DMD: variants seen among roughly 807,000 people sequenced by gnomAD.
DMD encodes the protein dystrophin.
Under a neutral mutation model 330.1 loss-of-function variants are expected in DMD, and 63 were observed. The observed-to-expected ratio is 0.19, with a 90% confidence interval of 0.16 to 0.24. The LOEUF (loss-of-function observed/expected upper bound fraction) is 0.24, where lower values mean the gene tolerates loss of function less well. DMD is among the 10% of genes least tolerant of loss of function. DMD has a pLI of 1.00. For synonymous variants in DMD, 1,223 were observed against 959.8 expected, an observed-to-expected ratio of 1.27 and a Z score of -5.07; for missense variants, 3,344 against 2,684.1, an observed-to-expected ratio of 1.25 and a Z score of -5.43.
chrX:33,152,906 T>C (rs144758425), intron 1 of DMD, among the ~76,000 whole-genome samples: 1,884 of 112,038 alleles, frequency 0.017, 50 homozygotes, highest in African/African-American at 0.058. Flanking sequence ...TTAATGAAAA[T>C]TTAAAAAGCA....
In DMD at chrX:31,477,796, TACACACAC is replaced by T. The variant is rs10597133; in HGVS notation, c.8937+302_8937+309del. 9.4e-3 allele frequency among the ~76,000 whole-genome samples: 934 copies of T among 99,238 alleles called. 10 individuals are homozygous for T. The highest frequency in any genetic ancestry group is 0.027 in the African/African-American group (734 of 27,500). The allele number at this position is 99,238 out of a possible 115,157, so 86.2% of individuals were successfully genotyped here. ...CTAAGTAACACAAGCAATACACCAATACACACACACACACACACACACACACACACACA... is the reference window on the plus strand; with the variant it reads ...CTAAGTAACACAAGCAATACACCAATACACACACACACACACACACACACA... On this transcript the variant is annotated intron_variant, in intron 59 of 78. Transcript: ENST00000357033.
intron 44 of DMD, among the ~76,000 whole-genome samples, chrX:31,999,125 C>G (rs1336103182): frequency 8.9e-6 from 1 of 112,163 alleles, no homozygotes; most frequent in Admixed American, 9.5e-5. Context: ...TAGTAAGATT[C>G]TTTGATGTTC....
intron 44 of DMD, among the ~76,000 whole-genome samples, chrX:31,986,663 G>A (rs929590301): frequency 3.6e-5 from 4 of 111,826 alleles, no homozygotes; most frequent in Non-Finnish European, 7.5e-5. Flanking sequence ...ACCCACCTTG[G>A]CCTCCCGAAG....
rs766140903 is a variant in DMD at position 32,863,537 on chromosome X, T to TATAC, written c.94-13718_94-13717insGTAT. On this transcript the variant is annotated intron_variant, in intron 2 of 78. Coordinates refer to ENST00000357033, the MANE Select transcript of DMD (RefSeq NM_004006.3). The stretch of plus-strand genomic sequence containing the variant: ...AAAAAAAAAAAAAAGATTGTGTTTA[T>TATAC]ACACACACACACACACACACACACA... Among the ~76,000 whole-genome samples, 31 of 78,245 alleles carry TATAC rather than the reference T, an allele frequency of 4.0e-4. 1 individual carries two copies. Among genetic ancestry groups the TATAC allele is most frequent in the African/African-American group, 1.9e-3 (31 of 15,952 alleles). The allele number at this position is 78,245 out of a possible 115,157, so 67.9% of individuals were successfully genotyped here.
chrX:31,470,172 G>A (rs2067188476), intron 59 of DMD, among the ~76,000 whole-genome samples: 1 of 111,025 alleles, frequency 9.0e-6, no homozygotes. Context: ...GCCTACTTCC[G>A]TCAATTCGTC....
At chrX:31,466,684 C>G (rs760457691) in intron 59 of DMD, among the ~76,000 whole-genome samples, 1 of 111,515 alleles carries the variant, frequency 9.0e-6, no homozygotes, top group Non-Finnish European at 1.9e-5. Context: ...AGTAGTTTTT[C>G]TAATTATGTG....
At chrX:33,024,282 C>T (rs1246361442) in intron 1 of DMD, among the ~76,000 whole-genome samples, 2 of 112,144 alleles carry the variant, frequency 1.8e-5, no homozygotes, top group African/African-American at 6.5e-5. Context: ...TCAAGCAGCA[C>T]ATATTCTATT....
rs1178137827 is a variant in DMD at position 32,787,243 on chromosome X, TGTGTGAGAGA to T, written c.649+22240_649+22249del. Among the ~76,000 whole-genome samples the T allele has an allele frequency of 1.2e-4, 11 of 93,586 alleles. No homozygotes were observed. In the East Asian group the frequency reaches 2.1e-3, roughly 18 times the overall value. 81.3% of individuals were successfully genotyped at this position (93,586 alleles called of 115,157 possible). A position where few individuals can be genotyped will look rare whatever the true frequency, so the allele number is the denominator to read the frequency against. ...GTGTGTGTGTGTGTGTGTGTGTGTG[TGTGTGAGAGA>T]GAGAGAGAGAGAGAGAGAGAAAGAG... On this transcript the variant is annotated intron_variant, in intron 7 of 78. Coordinates refer to ENST00000357033, the MANE Select transcript of DMD (RefSeq NM_004006.3).
chrX:32,130,600 T>G (rs1033417165), intron 44 of DMD, among the ~76,000 whole-genome samples: 2 of 112,077 alleles, frequency 1.8e-5, no homozygotes, highest in African/African-American at 3.2e-5. Context: ...GCCAGATCTC[T>G]CCCTTCATCT....
chrX:33,275,967 C>A (rs112658706), intron 1 of DMD, among the ~76,000 whole-genome samples: 1,227 of 111,623 alleles, frequency 0.011, 20 homozygotes, highest in African/African-American at 0.038. Context: ...TGTGACTATA[C>A]AATTGTATGA....
At chrX:32,280,822 C>G (rs180748489) in intron 43 of DMD, among the ~76,000 whole-genome samples, 7 of 111,511 alleles carry the variant, frequency 6.3e-5, no homozygotes, top group Admixed American at 1.9e-4. Flanking sequence ...ATTTCCTTAC[C>G]TTGACATGAA....
intron 30 of DMD, among the ~76,000 whole-genome samples, chrX:32,407,362 G>A (rs1244848206): frequency 9.0e-6 from 1 of 111,513 alleles, no homozygotes; most frequent in Admixed American, 9.5e-5. Context: ...GCAGCCAAAA[G>A]ACACATAAAA....
intron 44 of DMD, among the ~76,000 whole-genome samples, chrX:32,191,775 G>T (rs1436869103): frequency 8.9e-6 from 1 of 111,836 alleles, no homozygotes; most frequent in East Asian, 2.8e-4. Context: ...CAATGTAAAT[G>T]CTATATAAAT....
intron 41 of DMD, among the ~76,000 whole-genome samples, chrX:32,338,278 T>A (rs764776188): frequency 9.0e-6 from 1 of 111,468 alleles, no homozygotes; most frequent in African/African-American, 3.2e-5. Flanking sequence ...TTTTATTTTT[T>A]CCACGTTGGT....
chrX:32,293,991 G>A (rs2097484938), intron 42 of DMD, among the ~76,000 whole-genome samples: 2 of 111,747 alleles, frequency 1.8e-5, no homozygotes, highest in African/African-American at 6.5e-5. Flanking sequence ...CTGGAGTCTT[G>A]GGTGGAATGT....
chrX:32,135,654 T>A (rs572650134), intron 44 of DMD, among the ~76,000 whole-genome samples: 25 of 112,054 alleles, frequency 2.2e-4, no homozygotes, highest in African/African-American at 8.1e-4. Context: ...GCCTGGATGG[T>A]TGAGGCAGTG....
chrX:32,083,916 CATA>C (rs1569540917), intron 44 of DMD, among the ~76,000 whole-genome samples: 1 of 112,671 alleles, frequency 8.9e-6, no homozygotes, highest in African/African-American at 3.2e-5. Flanking sequence ...CAAATATATG[CATA>C]ATCATCTGGT....
In DMD at chrX:32,839,917, G is replaced by A. The variant is rs775057107; in HGVS notation, c.264+4866C>T. On this transcript the variant is annotated intron_variant, in intron 4 of 78. Coordinates refer to ENST00000357033, the MANE Select transcript of DMD (RefSeq NM_004006.3). ...GTAGAGATGGGGTTTCACCATGTTG[G>A]CCAGGATGGTCTCAATTTCTTGACA... is the stretch of plus-strand genomic sequence containing the variant. Among the ~76,000 whole-genome samples, 3 of 111,051 alleles carry A rather than the reference G, an allele frequency of 2.7e-5. No homozygotes were observed. The East Asian group carries it at 8.6e-4, about 32-fold the overall frequency.
intron 44 of DMD, among the ~76,000 whole-genome samples, chrX:32,072,924 A>G (rs947232578): frequency 4.5e-5 from 5 of 112,126 alleles, no homozygotes; most frequent in African/African-American, 1.6e-4. Context: ...CCTGCGATGC[A>G]GGCAGGGCTG....
Sources: gnomAD v4.1 joint callset for allele counts (sites outside exome capture counted in the v4.1 genomes callset) on GRCh38, gnomAD v4.1.1 for gene constraint, MANE v1.5 for transcripts, NCBI Gene and HGNC (gene_info 2026-07-23, HGNC 2026-07-21) for gene names.